The following MOK variants were observed in gnomAD, a reference collection of about 807,000 sequenced individuals.
MOK encodes the protein MAPK/MAK/MRK overlapping kinase.
MOK carries 59 observed loss-of-function variants against 54.2 expected under a neutral mutation model. That is an observed-to-expected ratio of 1.09 (90% CI 0.88 to 1.35). MOK has a LOEUF of 1.35. MOK is among the 40% of genes most tolerant of loss of function. The pLI is 0.00. For synonymous variants in MOK, 210 were observed against 202.7 expected, an observed-to-expected ratio of 1.04 and a Z score of -0.31; for missense variants, 517 against 526.2, an observed-to-expected ratio of 0.98 and a Z score of 0.17.
chr14:102,282,342 CTTATG>C (rs1281658778), intron 2 of MOK, among the ~76,000 whole-genome samples: 1 of 151,912 alleles, frequency 6.6e-6, no homozygotes, highest in African/African-American at 2.4e-5. Context: ...ATGCCTGTCA[CTTATG>C]TTATATTAAT....
At chr14:102,297,173 C>T (rs1053053152) in intron 1 of MOK, among the ~76,000 whole-genome samples, 6 of 151,920 alleles carry the variant, frequency 3.9e-5, no homozygotes, top group African/African-American at 1.2e-4. Context: ...CTGGCTAACA[C>T]GGTGAAACCC....
intron 7 of MOK, among the ~76,000 whole-genome samples, chr14:102,243,432 A>G (rs2065865249): frequency 6.6e-6 from 1 of 152,060 alleles, no homozygotes; most frequent in Non-Finnish European, 1.5e-5. Context: ...TTTTTGTCCA[A>G]ACAACTTGAT....
At chr14:102,222,886 A>T, downstream of MOK, 1 of 1,614,048 alleles carries the variant, frequency 6.2e-7, no homozygotes, top group Non-Finnish European at 8.5e-7. The surrounding 1 kb of genome is among the most constrained non-coding windows in gnomAD (Gnocchi z 4.4). Flanking sequence ...TAGTGTAGCG[A>T]CCTCACTGCT....
chr14:102,283,992 C>T (rs1209626823), intron 1 of MOK, among the ~76,000 whole-genome samples: 1 of 152,180 alleles, frequency 6.6e-6, no homozygotes, highest in Non-Finnish European at 1.5e-5. Context: ...AATTGACCTT[C>T]CCTGGTCCTA....
intron 1 of MOK, among the ~76,000 whole-genome samples, chr14:102,289,346 G>A (rs1267119012): frequency 2.0e-5 from 3 of 151,992 alleles, no homozygotes; most frequent in Non-Finnish European, 4.4e-5. Flanking sequence ...AAGAAACACA[G>A]ACTGAGAAAT....
At chr14:102,228,592 T>TA (rs2064351177), downstream of MOK, among the ~76,000 whole-genome samples, 2 of 150,146 alleles carry the variant, frequency 1.3e-5, no homozygotes, top group South Asian at 4.2e-4. Flanking sequence ...CCCAGCTACT[T>TA]AGAGGCTGAG....
At chr14:102,216,689 G>C in the MOK span, among the ~76,000 whole-genome samples, 6 of 152,164 alleles carry the variant, frequency 3.9e-5, no homozygotes, top group Non-Finnish European at 7.3e-5. Context: ...CAGCACTTTG[G>C]GAGGCCGAGG....
rs535634521 is a variant in MOK at position 102,254,095 on chromosome 14, C to T, written c.284-2100G>A. Among the ~76,000 whole-genome samples, 378 of 152,236 alleles carry T rather than the reference C, an allele frequency of 2.5e-3. 4 individuals are homozygous for T. Among genetic ancestry groups the T allele is most frequent in the African/African-American group, 8.3e-3 (345 of 41,544 alleles). ...CACCTCCCAGGTTCAAGCAATTCTC[C>T]TGCCTCAGCCTCTCGAGTAGTTGGA... On this transcript the variant is annotated intron_variant, in intron 4 of 11. Coordinates refer to ENST00000361847, the MANE Select transcript of MOK (RefSeq NM_014226.3).
At chr14:102,222,975 G>A (rs913502665), downstream of MOK, 44 of 1,527,104 alleles carry the variant, frequency 2.9e-5, 1 homozygote, top group African/African-American at 2.2e-4. This position sits in a 1 kb window ranked among gnomAD's most constrained non-coding sequence, Gnocchi z 4.4. Context: ...CGTGCCAGCC[G>A]GCGGACCTCA....
downstream of MOK, chr14:102,226,512 C>T (rs116680111): frequency 1.6e-3 from 1,090 of 695,714 alleles, 9 homozygotes; most frequent in African/African-American, 0.016. The surrounding 1 kb of genome is among the most constrained non-coding windows in gnomAD (Gnocchi z 4.8). Context: ...GCAGAGGCCC[C>T]GCCGGGGCCC....
chr14:102,256,330 T>C (rs1316437336), intron 4 of MOK, among the ~76,000 whole-genome samples: 4 of 151,712 alleles, frequency 2.6e-5, no homozygotes, highest in Non-Finnish European at 5.9e-5. Context: ...TTTGGGAGGC[T>C]GAGGCAGGCG....
At chr14:102,251,868 G>C in intron 5 of MOK, 49 bp downstream of exon 5, 2 of 1,536,130 alleles carry the variant, frequency 1.3e-6, no homozygotes, top group Non-Finnish European at 1.8e-6. Flanking sequence ...GAATCTGAAT[G>C]TTAACACATT....
chr14:102,244,564 C>T (rs1260628967), intron 7 of MOK, among the ~76,000 whole-genome samples: 1 of 152,198 alleles, frequency 6.6e-6, no homozygotes, highest in Non-Finnish European at 1.5e-5. Context: ...CCTCCCTTCC[C>T]TACACATCAA....
At chr14:102,218,743 C>T in the MOK span, among the ~76,000 whole-genome samples, 5 of 152,112 alleles carry the variant, frequency 3.3e-5, no homozygotes, top group Non-Finnish European at 7.3e-5. Flanking sequence ...CCAAGGCTTG[C>T]CCCGTTCCTC....
Position 102,236,931 on chromosome 14 carries a change from A to T in MOK, c.591-3142T>A, listed in dbSNP as rs2065272060. 6.6e-6 allele frequency among the ~76,000 whole-genome samples: 1 copy of T among 152,198 alleles called. No homozygotes were observed. The highest frequency in any genetic ancestry group is 1.5e-5 in the Non-Finnish European group (1 of 68,048). The stretch of plus-strand genomic sequence containing the variant: ...CTGCAAGACCTCCGAGCCATCAGTC[A>T]GGCTGTCTTTCCTATTCATCCCATA... On this transcript the variant is annotated intron_variant, in intron 7 of 11. Coordinates refer to ENST00000361847, the MANE Select transcript of MOK (RefSeq NM_014226.3). This position sits in a 1 kb window ranked among gnomAD's most constrained non-coding sequence, Gnocchi z 4.5.
intron 6 of MOK, chr14:102,251,381 T>G: frequency 5.1e-6 from 2 of 391,650 alleles, no homozygotes; most frequent in Non-Finnish European, 9.7e-6. Flanking sequence ...TGACAGGTGC[T>G]GGGAAACAGC....
At chr14:102,283,281 G>C (rs370079321) in intron 2 of MOK, 197 bp downstream of exon 2, 1 of 427,416 alleles carries the variant, frequency 2.3e-6, no homozygotes. Flanking sequence ...ATTCATCACT[G>C]ATATTACAGT....
At chr14:102,295,007 C>T (rs926992154) in intron 1 of MOK, among the ~76,000 whole-genome samples, 1 of 152,100 alleles carries the variant, frequency 6.6e-6, no homozygotes, top group African/African-American at 2.4e-5. Flanking sequence ...AAAGAAACCA[C>T]CTCTATGAAA....
intron 4 of MOK, among the ~76,000 whole-genome samples, chr14:102,254,800 G>A (rs745341991): frequency 6.6e-6 from 1 of 152,196 alleles, no homozygotes; most frequent in Admixed American, 6.5e-5. Flanking sequence ...CTTGTTTATC[G>A]AATGCTCAGG....
Sources: allele counts gnomAD v4.1 joint callset (sites outside exome capture counted in the v4.1 genomes callset), GRCh38; gene constraint gnomAD v4.1.1; non-coding constraint Gnocchi (gnomAD v3.1); transcripts MANE v1.5; gene names NCBI Gene and HGNC (gene_info 2026-07-23, HGNC 2026-07-21).